KDM6A: variants seen among roughly 807,000 people sequenced by gnomAD.
KDM6A encodes lysine demethylase 6A.
KDM6A carries 11 observed loss-of-function variants against 117.6 expected under a neutral mutation model. That is an observed-to-expected ratio of 0.09 (90% confidence interval 0.06 to 0.15). KDM6A has a LOEUF of 0.15. Among genes scored for constraint, KDM6A ranks in the 10% least tolerant of loss-of-function variants. KDM6A has a pLI of 1.00. For missense variants in KDM6A, 799 were observed against 1,077.3 expected (o/e 0.74, Z 3.62); for synonymous variants, 384 against 396.1 (o/e 0.97, Z 0.36).
At position 45,105,509 on chromosome X, in the gene KDM6A, C is replaced by T. The variant is rs549472263; in HGVS notation, c.4035-1901C>T. Among the ~76,000 whole-genome samples, 16 of 111,548 alleles carry T rather than the reference C, an allele frequency of 1.4e-4. 1 individual carries two copies. The South Asian group carries it at 6.0e-3, about 42-fold the overall frequency. ...TCCTGTAAGAGACCTTATTTTGAAG[C>T]CCTACTTGGAAAACTTGTTCAGTAA... On this transcript the variant is annotated intron_variant, in intron 27 of 29. Coordinates refer to ENST00000611820, the MANE Select transcript of KDM6A (RefSeq NM_001291415.2).
In KDM6A at chrX:45,107,412, A is replaced by G; in HGVS notation, c.4037A>G (p.Tyr1346Cys). The change falls in exon 28 of 30, where the codon TAT becomes TGT. Residue 1346 changes from tyrosine (Y) to cysteine (C), a missense_variant and splice_region_variant. This residue lies in a region of KDM6A where 291 missense variants were observed against 437.9 expected (regional missense o/e 0.66). Coordinates refer to ENST00000611820, the MANE Select transcript of KDM6A (RefSeq NM_001291415.2). ...SDPKLFEMIK[Y>C]CLLRTLKQCQ... ...AAATAATTTCTCCCCCACAATAGGT[A>G]TTGTCTTCTAAGAACTCTGAAGCAA... 8.3e-7 allele frequency: 1 copy of G among 1,207,086 alleles called. No individual in the cohort carries two copies. Among genetic ancestry groups the G allele is most frequent in the Non-Finnish European group, 1.1e-6 (1 of 891,373 alleles).
At chrX:45,000,508 C>A (rs2041083980) in intron 4 of KDM6A, among the ~76,000 whole-genome samples, 1 of 112,041 alleles carries the variant, frequency 8.9e-6, no homozygotes. Flanking sequence ...ATAAGTGCCA[C>A]TCCAGTTATT....
chrX:44,977,157 A>T (rs987531354), intron 4 of KDM6A, among the ~76,000 whole-genome samples: 5 of 111,802 alleles, frequency 4.5e-5, no homozygotes, highest in Non-Finnish European at 9.4e-5. Flanking sequence ...ACTCAAGGTC[A>T]TGAAGACTTA....
chrX:44,910,396 C>T (rs2035016861), intron 2 of KDM6A, among the ~76,000 whole-genome samples: 2 of 110,980 alleles, frequency 1.8e-5, no homozygotes, highest in South Asian at 3.8e-4. Flanking sequence ...GTCATGTTGG[C>T]CAGGCTGGTC....
Position 44,873,918 on chromosome X carries a change from C to A in KDM6A, c.162-6C>A. 4 of 1,210,084 alleles carry A rather than the reference C, an allele frequency of 3.3e-6. No individual in the cohort carries two copies. Among genetic ancestry groups the A allele is most frequent in the Non-Finnish European group, 4.5e-6 (4 of 893,967 alleles). ...GTTAACGAGTAAACTGTGTCTGTCT[C>A]CACAGCCGCCTCTTTGGGTTCGTGA... On this transcript the variant is annotated splice_region_variant and splice_polypyrimidine_tract_variant and intron_variant, in intron 1 of 29. Coordinates refer to ENST00000611820, the MANE Select transcript of KDM6A (RefSeq NM_001291415.2).
intron 4 of KDM6A, among the ~76,000 whole-genome samples, chrX:44,977,255 A>C (rs12014797): frequency 0.11 from 12,476 of 108,676 alleles, 926 homozygotes; most frequent in African/African-American, 0.25. Context: ...CTCTCTCTCT[A>C]TATATATAGT....
chrX:45,008,499 C>T (rs1410648165), intron 4 of KDM6A, among the ~76,000 whole-genome samples: 1 of 111,929 alleles, frequency 8.9e-6, no homozygotes, highest in Non-Finnish European at 1.9e-5. Context: ...CACAACCACC[C>T]TCACCCCCAC....
chrX:45,039,503 ATTTTTT>A (rs756202597), intron 8 of KDM6A, among the ~76,000 whole-genome samples: 8 of 61,256 alleles, frequency 1.3e-4, no homozygotes, highest in Non-Finnish European at 1.9e-4. Flanking sequence ...TCATTTGATA[ATTTTTT>A]TTTTTTTTTT....
Position 45,024,352 on chromosome X carries a change from G to A in KDM6A, c.564+3622G>A, listed in dbSNP as rs765743438. On this transcript the variant is annotated intron_variant, in intron 6 of 29. Transcript: ENST00000611820. ...ATTCTTGCAGGAGTAAGGTGGTATCGCATTGTGGATTTGATTTGCATTTCC... is the reference window on the plus strand; with the variant it reads ...ATTCTTGCAGGAGTAAGGTGGTATCACATTGTGGATTTGATTTGCATTTCC... 3.3e-4 allele frequency among the ~76,000 whole-genome samples: 37 copies of A among 111,645 alleles called. 1 individual carries two copies. The highest frequency in any genetic ancestry group is 2.4e-4 in the Non-Finnish European group (13 of 53,106).
chrX:45,042,077 C>T (rs2043260289), intron 8 of KDM6A, among the ~76,000 whole-genome samples: 1 of 110,067 alleles, frequency 9.1e-6, no homozygotes, highest in South Asian at 3.9e-4. Flanking sequence ...CAGCAAAACC[C>T]CCTCTCCACC....
chrX:44,929,467 C>G (rs1272998425), intron 2 of KDM6A, among the ~76,000 whole-genome samples: 1 of 111,409 alleles, frequency 9.0e-6, no homozygotes, highest in African/African-American at 3.3e-5. Flanking sequence ...GAGATTCAGG[C>G]ATGTTGTGTG....
intron 24 of KDM6A, 69 bp downstream of exon 24, chrX:45,083,677 C>T (rs2148155996): frequency 1.1e-6 from 1 of 929,669 alleles, no homozygotes; most frequent in Non-Finnish European, 1.5e-6. Context: ...CATGCAAAGA[C>T]AGCCAGAATC....
rs200576517 is a variant in KDM6A at position 45,016,528 on chromosome X, TCTCA to T, written c.444-4078_444-4075del. Reference sequence around the variant, plus strand: ...GTTTATTTATTTATTTGAGACAGAGTCTCACTCTGTCGCCAGGCTGGAGTGCAGT... The same window carrying T: ...GTTTATTTATTTATTTGAGACAGAGTCTCTGTCGCCAGGCTGGAGTGCAGT... On this transcript the variant is annotated intron_variant, in intron 5 of 29. Coordinates refer to ENST00000611820, the MANE Select transcript of KDM6A (RefSeq NM_001291415.2). Among the ~76,000 whole-genome samples the T allele has an allele frequency of 6.6e-3, 725 of 110,417 alleles. 6 individuals are homozygous for T. The highest frequency in any genetic ancestry group is 0.023 in the African/African-American group (700 of 30,338).
chrX:44,968,970 CAA>C (rs57829328), intron 3 of KDM6A, among the ~76,000 whole-genome samples: 1,676 of 50,807 alleles, frequency 0.033, 47 homozygotes, highest in African/African-American at 0.088. Flanking sequence ...AACTCCATCT[CAA>C]AAAAAAAAAA....
chrX:44,946,747 T>TC (rs2037657047), intron 2 of KDM6A, among the ~76,000 whole-genome samples: 2 of 110,526 alleles, frequency 1.8e-5, no homozygotes, highest in Admixed American at 1.9e-4. Flanking sequence ...TTATTTTTTT[T>TC]CTCCCGTTAG....
At chrX:44,915,194 C>T (rs12014039) in intron 2 of KDM6A, among the ~76,000 whole-genome samples, 4,267 of 111,536 alleles carry the variant, frequency 0.038, 220 homozygotes, top group African/African-American at 0.13. Context: ...TTATTTTAAC[C>T]TTTTTTAATG....
At chrX:45,070,406 T>C in intron 18 of KDM6A, 49 bp downstream of exon 18, 1 of 1,104,716 alleles carries the variant, frequency 9.1e-7, no homozygotes, top group Non-Finnish European at 1.2e-6. Flanking sequence ...CTTACTGGCA[T>C]GATCAGAATG....
In KDM6A at chrX:44,970,824, A is replaced by G. The variant is rs1379507038; in HGVS notation, c.335-3842A>G. ...GTTTGAAGTCTAGAAGGATCCAGTT[A>G]CTTTTCAGTCTGTTTCTTCTGTGCT... On this transcript the variant is annotated intron_variant, in intron 3 of 29. Transcript: ENST00000611820. Among the ~76,000 whole-genome samples the G allele has an allele frequency of 3.6e-5, 4 of 112,256 alleles. No homozygotes were observed. In the East Asian group the frequency reaches 8.4e-4, roughly 23 times the overall value.
At chrX:44,918,232 TATG>T (rs1389226098) in intron 2 of KDM6A, among the ~76,000 whole-genome samples, 2 of 111,844 alleles carry the variant, frequency 1.8e-5, no homozygotes, top group African/African-American at 6.5e-5. Flanking sequence ...GTAACATTAA[TATG>T]ATGGGGATGA....
Sources: gnomAD v4.1 joint callset for allele counts (sites outside exome capture counted in the v4.1 genomes callset) on GRCh38, gnomAD v4.1.1 for gene constraint, gnomAD v4.1.1 regional missense constraint, MANE v1.5 for transcripts, NCBI Gene and HGNC (gene_info 2026-07-23, HGNC 2026-07-21) for gene names.